Variants in CCSER1 observed in about 807,000 individuals in gnomAD.
The protein encoded by CCSER1 is coiled-coil serine rich protein 1.
Under a neutral mutation model 82.0 loss-of-function variants are expected in CCSER1, and 41 were observed. The observed-to-expected ratio is 0.50, with a 90% CI of 0.39 to 0.65. CCSER1 has a LOEUF of 0.65. CCSER1 is among the 30% of genes least tolerant of loss of function. The pLI is 0.00. For missense variants in CCSER1, 1,119 were observed against 1,064.2 expected (o/e 1.05, Z -0.72); for synonymous variants, 414 against 383.9 (o/e 1.08, Z -0.92).
Position 90,308,524 on chromosome 4 carries a change from A to G in CCSER1, c.240A>G (p.Gln80=), listed in dbSNP as rs749440450. 3 of 1,613,936 alleles carry G rather than the reference A, an allele frequency of 1.9e-6. No individual in the cohort carries two copies. The highest frequency in any genetic ancestry group is 2.5e-6 in the Non-Finnish European group (3 of 1,179,846). The change falls in exon 2 of 11, where the codon CAA becomes CAG. Residue 80 remains glutamine (Q), a synonymous_variant. Coordinates refer to ENST00000509176, the MANE Select transcript of CCSER1 (RefSeq NM_001145065.2). ...FHHKKGSEPK[Q]EPTNQNLSIS... ...ATAAGAAGGGGAGTGAGCCTAAGCA[A>G]GAGCCTACCAACCAGAACCTTAGTA...
chr4:90,866,902 T>C (rs1319882527), intron 8 of CCSER1, among the ~76,000 whole-genome samples: 2 of 151,956 alleles, frequency 1.3e-5, no homozygotes, highest in East Asian at 3.9e-4. Flanking sequence ...CACACCCCCA[T>C]GAGACTCTAA....
At chr4:90,142,439 G>T (rs1724968955) in intron 1 of CCSER1, among the ~76,000 whole-genome samples, 1 of 152,192 alleles carries the variant, frequency 6.6e-6, no homozygotes, top group Non-Finnish European at 1.5e-5. Context: ...TCTGTAGTGG[G>T]AATTAGCTCC....
chr4:91,301,362 GAATT>G (rs1470115940), intron 10 of CCSER1, among the ~76,000 whole-genome samples: 1 of 151,478 alleles, frequency 6.6e-6, no homozygotes, highest in Non-Finnish European at 1.5e-5. Context: ...TTAAAAAGGA[GAATT>G]AATACATGGA....
chr4:91,283,694 C>T (rs957214024), intron 10 of CCSER1, among the ~76,000 whole-genome samples: 1 of 152,012 alleles, frequency 6.6e-6, no homozygotes, highest in Non-Finnish European at 1.5e-5. Flanking sequence ...TTGATAAAAG[C>T]AGCCTCTTAA....
At chr4:90,936,366 C>T (rs1438733698) in intron 9 of CCSER1, among the ~76,000 whole-genome samples, 2 of 152,092 alleles carry the variant, frequency 1.3e-5, no homozygotes, top group African/African-American at 2.4e-5. Flanking sequence ...TTATTATTTT[C>T]ACTACAATGT....
chr4:91,150,022 A>G (rs1277920005), intron 10 of CCSER1, among the ~76,000 whole-genome samples: 2 of 152,264 alleles, frequency 1.3e-5, no homozygotes, highest in African/African-American at 4.8e-5. Context: ...GGAGAAAGTC[A>G]TTGGTAGCTT....
chr4:91,395,678 C>T (rs1011279487), intron 10 of CCSER1, among the ~76,000 whole-genome samples: 3 of 151,722 alleles, frequency 2.0e-5, no homozygotes, highest in Non-Finnish European at 4.4e-5. Flanking sequence ...TTTTATATCA[C>T]AGGAATCTTA....
intron 10 of CCSER1, among the ~76,000 whole-genome samples, chr4:91,561,418 T>C (rs1762646520): frequency 6.6e-6 from 1 of 151,488 alleles, no homozygotes; most frequent in Non-Finnish European, 1.5e-5. Context: ...CTGCCTCTAC[T>C]CATGATTTAA....
intron 9 of CCSER1, among the ~76,000 whole-genome samples, chr4:91,053,195 T>TA (rs1192889664): frequency 1.3e-5 from 2 of 152,182 alleles, no homozygotes; most frequent in African/African-American, 4.8e-5. Context: ...CACTAAGACT[T>TA]ATGAAGTCCC....
At chr4:90,755,431 T>A (rs992428745) in intron 7 of CCSER1, among the ~76,000 whole-genome samples, 2 of 152,186 alleles carry the variant, frequency 1.3e-5, no homozygotes, top group Non-Finnish European at 2.9e-5. Flanking sequence ...AACCAATAGT[T>A]AGTCAGTAAA....
At chr4:91,397,314 A>C (rs998825830) in intron 10 of CCSER1, among the ~76,000 whole-genome samples, 2 of 152,002 alleles carry the variant, frequency 1.3e-5, no homozygotes, top group African/African-American at 2.4e-5. Context: ...GAAACAAACC[A>C]TTTTGTATAA....
In CCSER1 at chr4:91,256,852, CTCT is replaced by C. The variant is rs1328898325; in HGVS notation, c.2217+170866_2217+170868del. ...CAAGGCAATATTCTTGAAACAGAAC[CTCT>C]TCTTCTTGGGAAGAAATCATATCTT... On this transcript the variant is annotated intron_variant, in intron 10 of 10. Transcript: ENST00000509176. Among the ~76,000 whole-genome samples the C allele has an allele frequency of 7.9e-5, 12 of 152,222 alleles. No individual in the cohort carries two copies. In the South Asian group the frequency reaches 2.1e-3, roughly 26 times the overall value.
chr4:90,600,191 G>A (rs375565600), intron 5 of CCSER1, among the ~76,000 whole-genome samples: 28 of 152,240 alleles, frequency 1.8e-4, no homozygotes, highest in East Asian at 9.7e-4. Context: ...AAATAGGGAC[G>A]TAGGTATTTA....
chr4:91,375,551 A>G (rs1485365829), intron 10 of CCSER1, among the ~76,000 whole-genome samples: 1 of 150,070 alleles, frequency 6.7e-6, no homozygotes, highest in African/African-American at 2.5e-5. Context: ...AACTAAAGCC[A>G]CTTAAACTCC....
At chr4:90,436,472 G>A (rs1262023505) in intron 4 of CCSER1, among the ~76,000 whole-genome samples, 5 of 152,132 alleles carry the variant, frequency 3.3e-5, no homozygotes, top group East Asian at 1.9e-4. Flanking sequence ...TGAAAATACC[G>A]CTTGTATTTC....
intron 1 of CCSER1, among the ~76,000 whole-genome samples, chr4:90,251,298 T>A (rs77461579): frequency 0.059 from 8,953 of 151,982 alleles, 726 homozygotes; most frequent in African/African-American, 0.18. Context: ...TGAACAGTCT[T>A]ATTTTTTTCT....
intron 9 of CCSER1, among the ~76,000 whole-genome samples, chr4:91,014,970 A>G (rs1322948399): frequency 9.0e-6 from 1 of 110,840 alleles, no homozygotes; most frequent in Non-Finnish European, 2.3e-5. Flanking sequence ...CAGATAAATT[A>G]CTCTTCAAAA....
intron 10 of CCSER1, among the ~76,000 whole-genome samples, chr4:91,580,474 T>C (rs1763677004): frequency 1.3e-5 from 2 of 151,752 alleles, no homozygotes; most frequent in African/African-American, 4.8e-5. Context: ...AGCCAGATGT[T>C]GGAGTGTGAT....
intron 9 of CCSER1, among the ~76,000 whole-genome samples, chr4:90,957,559 T>TTATATA (rs879024170): frequency 1.6e-5 from 2 of 128,720 alleles, no homozygotes; most frequent in East Asian, 4.0e-4. Context: ...ATATTATATA[T>TTATATA]ATTATATAAT....
Sources: gnomAD v4.1 joint callset for allele counts (sites outside exome capture counted in the v4.1 genomes callset) on GRCh38, gnomAD v4.1.1 for gene constraint, MANE v1.5 for transcripts, NCBI Gene and HGNC (gene_info 2026-07-23, HGNC 2026-07-21) for gene names.